FBH1: variants seen among roughly 807,000 people sequenced by gnomAD.
FBH1 encodes the protein DNA 3'-5' helicase 1.
A neutral mutation model predicts 115.5 loss-of-function variants in FBH1; 43 were observed. That is an observed-to-expected ratio of 0.37 (90% CI 0.29 to 0.48). The LOEUF is 0.48. Among genes scored for constraint, FBH1 ranks in the 20% least tolerant of loss-of-function variants. The probability of loss-of-function intolerance (pLI) is 0.99; values close to 1 mark genes in which losing one functional copy is unlikely to be tolerated. For missense variants in FBH1, 1,001 were observed against 1,337.3 expected (o/e 0.75, Z 3.92); for synonymous variants, 524 against 507.8 (o/e 1.03, Z -0.43).
At chr10:5,901,193 A>G (rs1356519442) in intron 1 of FBH1, among the ~76,000 whole-genome samples, 1 of 152,118 alleles carries the variant, frequency 6.6e-6, no homozygotes, top group Non-Finnish European at 1.5e-5. Context: ...TCTTTTTGAG[A>G]TGGAGTTTCA....
Position 5,937,349 on chromosome 10 carries a change from G to T in FBH1, c.*69G>T. On this transcript the variant is annotated 3_prime_UTR_variant, in exon 21 of 21. Coordinates refer to ENST00000362091, the MANE Select transcript of FBH1 (RefSeq NM_178150.3). Reference sequence around the variant, plus strand: ...GACCCCGCGTGAAGAAAGCCAGCGAGGGGGGCTTCTGCTCCCTGAGACTCT... The same window carrying T: ...GACCCCGCGTGAAGAAAGCCAGCGATGGGGGCTTCTGCTCCCTGAGACTCT... 7.1e-7 allele frequency: 1 copy of T among 1,413,594 alleles called. No homozygotes were observed. Among genetic ancestry groups the T allele is most frequent in the Non-Finnish European group, 9.3e-7 (1 of 1,073,870 alleles). The allele number at this position is 1,413,594 out of a possible 1,614,324, so 87.6% of individuals were successfully genotyped here.
chr10:5,919,674 A>C (rs970709058), intron 13 of FBH1, among the ~76,000 whole-genome samples: 1 of 152,184 alleles, frequency 6.6e-6, no homozygotes, highest in Non-Finnish European at 1.5e-5. Flanking sequence ...TCTGATTAGA[A>C]GAGATGTCTC....
At position 5,935,398 on chromosome 10, in the gene FBH1, A is replaced by G. The variant is rs767801682; in HGVS notation, c.2830-1058A>G. ...TAACATTCATGTAAATTAGACATCT[A>G]TAAAAGGAGACCTGTGTCCTTGGAC... is the stretch of plus-strand genomic sequence containing the variant. On this transcript the variant is annotated intron_variant, in intron 19 of 20. Transcript: ENST00000362091. This position sits in a 1 kb window ranked among gnomAD's most constrained non-coding sequence, Gnocchi z 5.2. 1.3e-5 allele frequency: 2 copies of G among 152,242 alleles called. No individual in the cohort carries two copies. Among genetic ancestry groups the G allele is most frequent in the Non-Finnish European group, 2.9e-5 (2 of 68,052 alleles). The allele number at this position is 152,242 out of a possible 1,614,324, so 9.4% of individuals were successfully genotyped here.
In FBH1 at chr10:5,927,553, G is replaced by A; in HGVS notation, c.2829+12G>A. The A allele has an allele frequency of 1.2e-6, 2 of 1,603,854 alleles. No individual in the cohort carries two copies. Among genetic ancestry groups the A allele is most frequent in the South Asian group, 2.2e-5 (2 of 90,050 alleles). ...TGACTTTGGCTGGGGTAAGCAGAAC[G>A]GGCAGCATGAGCTAACTTGATGCCA... On this transcript the variant is annotated intron_variant, in intron 19 of 20. Coordinates refer to ENST00000362091, the MANE Select transcript of FBH1 (RefSeq NM_178150.3).
intron 1 of FBH1, among the ~76,000 whole-genome samples, chr10:5,902,490 C>T (rs1056485853): frequency 1.3e-5 from 2 of 151,818 alleles, no homozygotes; most frequent in African/African-American, 4.9e-5. Context: ...GTGACAACTT[C>T]TTTTTTTGCT....
chr10:5,912,415 A>C (rs1414847450), intron 6 of FBH1, among the ~76,000 whole-genome samples: 1 of 142,246 alleles, frequency 7.0e-6, no homozygotes, highest in Non-Finnish European at 1.5e-5. Flanking sequence ...GCAGCTGGGA[A>C]GGGCCTTGTC....
At chr10:5,934,364 G>GTTTTTTTTTTTTTTTTTTTTTTTTTTTTT (rs60109796) in intron 19 of FBH1, 1 of 141,090 alleles carries the variant, frequency 7.1e-6, no homozygotes, top group African/African-American at 2.7e-5. Context: ...TCAAAGACAG[G>GTTTTTTTTTTTTTTTTTTTTTTTTTTTTT]TTTTTTTTTT....
Position 5,923,729 on chromosome 10 carries a change from G to A in FBH1, c.2398+33G>A. The A allele has an allele frequency of 1.3e-6, 2 of 1,578,198 alleles. No homozygotes were observed. The highest frequency in any genetic ancestry group is 8.7e-7 in the Non-Finnish European group (1 of 1,150,740). On this transcript the variant is annotated intron_variant, in intron 16 of 20. Coordinates refer to ENST00000362091, the MANE Select transcript of FBH1 (RefSeq NM_178150.3). The surrounding 1 kb of genome is among the most constrained non-coding windows in gnomAD (Gnocchi z 5.7). Reference sequence around the variant, plus strand: ...CCCACCTGGCCTTGGTGCATTGGAAGGACGCACCCAAGTGACAGGGACGAG... The same window carrying A: ...CCCACCTGGCCTTGGTGCATTGGAAAGACGCACCCAAGTGACAGGGACGAG...
At chr10:5,902,084 G>A (rs1418820680) in intron 1 of FBH1, among the ~76,000 whole-genome samples, 1 of 152,038 alleles carries the variant, frequency 6.6e-6, no homozygotes, top group Admixed American at 6.6e-5. Context: ...TTTTGCTAAG[G>A]GAAGATATGA....
Position 5,924,277 on chromosome 10 carries a change from G to A in FBH1, c.2399-34G>A. ...CTGCCACCATCTGTTAGTGGAGCTT[G>A]TGTCACCTTAATTTGTGTGTATATT... On this transcript the variant is annotated intron_variant, in intron 16 of 20. Transcript: ENST00000362091. The surrounding 1 kb of genome is among the most constrained non-coding windows in gnomAD (Gnocchi z 6.2). 1 of 1,606,882 alleles carries A rather than the reference G, an allele frequency of 6.2e-7. No individual in the cohort carries two copies. The highest frequency in any genetic ancestry group is 8.5e-7 in the Non-Finnish European group (1 of 1,173,820).
intron 1 of FBH1, among the ~76,000 whole-genome samples, chr10:5,896,894 A>G (rs1014429337): frequency 1.3e-5 from 2 of 152,180 alleles, no homozygotes; most frequent in African/African-American, 4.8e-5. Context: ...TGCGTGACTC[A>G]GGGAAGGAGG....
rs138932841 is a variant in FBH1, at chr10:5,918,061, G to A, written c.1964-281G>A. On this transcript the variant is annotated intron_variant, in intron 12 of 20. Coordinates refer to ENST00000362091, the MANE Select transcript of FBH1 (RefSeq NM_178150.3). This position sits in a 1 kb window ranked among gnomAD's most constrained non-coding sequence, Gnocchi z 4.0. ...GTCAATTTTGAGTGCTATAATATTAGAGAAGACACTGCCTCATTTTAGATT... is the reference window on the plus strand; with the variant it reads ...GTCAATTTTGAGTGCTATAATATTAAAGAAGACACTGCCTCATTTTAGATT... Among the ~76,000 whole-genome samples, 15 of 149,220 alleles carry A rather than the reference G, an allele frequency of 1.0e-4. No individual in the cohort carries two copies. Among genetic ancestry groups the A allele is most frequent in the African/African-American group, 3.4e-4 (14 of 40,786 alleles).
Position 5,906,076 on chromosome 10 carries a change from C to T in FBH1, c.197C>T (p.Ala66Val). 2 of 1,612,120 alleles carry T rather than the reference C, an allele frequency of 1.2e-6. No individual in the cohort carries two copies. The highest frequency in any genetic ancestry group is 2.2e-5 in the East Asian group (1 of 44,824). The change falls in exon 3 of 21, where the codon GCA becomes GTA. Residue 66 changes from alanine to valine, a missense_variant. Coordinates refer to ENST00000362091, the MANE Select transcript of FBH1 (RefSeq NM_178150.3). This position sits in a 1 kb window ranked among gnomAD's most constrained non-coding sequence, Gnocchi z 7.3. ...SQRCIPEFFL[A>V]GKQPCTNDMA... ...AGATGCATCCCTGAGTTCTTCCTAGCAGGCAAGCAGCCGTGCACCAATGAC... is the reference window on the plus strand; with the variant it reads ...AGATGCATCCCTGAGTTCTTCCTAGTAGGCAAGCAGCCGTGCACCAATGAC...
At chr10:5,893,987 G>C in intron 1 of FBH1, 1 of 985,330 alleles carries the variant, frequency 1.0e-6, no homozygotes, top group South Asian at 4.7e-5. Flanking sequence ...GAAAAACATA[G>C]AACGGAAAGC....
rs757409262 is a variant in FBH1 at position 5,909,325 on chromosome 10, A to G, written c.1020+31A>G. The G allele has an allele frequency of 1.9e-6, 3 of 1,592,786 alleles. No homozygotes were observed. In the Admixed American group the frequency reaches 5.1e-5, roughly 27 times the overall value. On this transcript the variant is annotated intron_variant, in intron 5 of 20. Transcript: ENST00000362091. This position sits in a 1 kb window ranked among gnomAD's most constrained non-coding sequence, Gnocchi z 4.4. ...TCTGGAGGCTGCGGGAGAAGGCGGC[A>G]TGTTATTTCACTGGAGGAAAGTGTA... is the stretch of plus-strand genomic sequence containing the variant.
chr10:5,900,091 T>C lies in FBH1; in HGVS notation c.2-2929T>C, dbSNP rs1279256502. On this transcript the variant is annotated intron_variant, in intron 1 of 20. Coordinates refer to ENST00000362091, the MANE Select transcript of FBH1 (RefSeq NM_178150.3). This position sits in a 1 kb window ranked among gnomAD's most constrained non-coding sequence, Gnocchi z 4.2. The stretch of plus-strand genomic sequence containing the variant: ...ATGTTACTGGTTAGTTTAGAAGGTA[T>C]TTCCAGTAATACAGAATTGGCTGTA... 6.6e-6 allele frequency among the ~76,000 whole-genome samples: 1 copy of C among 152,236 alleles called. No homozygotes were observed. Among genetic ancestry groups the C allele is most frequent in the East Asian group, 1.9e-4 (1 of 5,202 alleles).
Position 5,906,044 on chromosome 10 carries a change from A to T in FBH1, c.165A>T (p.Gly55=), listed in dbSNP as rs774471278. The T allele has an allele frequency of 1.2e-6, 2 of 1,606,850 alleles. No homozygotes were observed. The highest frequency in any genetic ancestry group is 3.3e-5 in the Admixed American group (2 of 59,904). ...TTTGGGTTCTCTCTACAGGTCAGGG[A>T]AGTCAAAGATGCATCCCTGAGTTCT... The part of the protein sequence containing the change: ...PRTKRGSRGQ[G]SQRCIPEFFL... Residue 55 remains glycine (G), a synonymous_variant, in exon 3 of 21, where the codon GGA becomes GGT. Coordinates refer to ENST00000362091, the MANE Select transcript of FBH1 (RefSeq NM_178150.3). This position sits in a 1 kb window ranked among gnomAD's most constrained non-coding sequence, Gnocchi z 7.3.
Position 5,917,915 on chromosome 10 carries a change from G to A in FBH1, c.1963+239G>A, listed in dbSNP as rs574741630. Among the ~76,000 whole-genome samples, 3 of 152,162 alleles carry A rather than the reference G, an allele frequency of 2.0e-5. No homozygotes were observed. Among genetic ancestry groups the A allele is most frequent in the Non-Finnish European group, 4.4e-5 (3 of 68,030 alleles). ...TTGACCAAGTTGTAGACCAGCAGAC[G>A]ACAGGGACCTAGACTCATGCTCTGT... is the stretch of plus-strand genomic sequence containing the variant. On this transcript the variant is annotated intron_variant, in intron 12 of 20. Coordinates refer to ENST00000362091, the MANE Select transcript of FBH1 (RefSeq NM_178150.3). The surrounding 1 kb of genome is among the most constrained non-coding windows in gnomAD (Gnocchi z 5.6).
rs188704177 is a variant in FBH1 at position 5,923,978 on chromosome 10, C to T, written c.2398+282C>T. On this transcript the variant is annotated intron_variant, in intron 16 of 20. Coordinates refer to ENST00000362091, the MANE Select transcript of FBH1 (RefSeq NM_178150.3). This position sits in a 1 kb window ranked among gnomAD's most constrained non-coding sequence, Gnocchi z 5.7. ...TTCTGTCTGCCTGGGCCAATTTATA[C>T]GTTGATACTTCCACGTGGGCCCCAA... The T allele has an allele frequency of 1.6e-5, 9 of 557,522 alleles. No homozygotes were observed. The highest frequency in any genetic ancestry group is 9.0e-5 in the East Asian group (3 of 33,338). 34.5% of individuals were successfully genotyped at this position (557,522 alleles called of 1,614,324 possible). A position where few individuals can be genotyped will look rare whatever the true frequency, so the allele number is the denominator to read the frequency against.
Sources: gnomAD v4.1 joint callset for allele counts (sites outside exome capture counted in the v4.1 genomes callset) on GRCh38, gnomAD v4.1.1 for gene constraint, Gnocchi (gnomAD v3.1) non-coding constraint, MANE v1.5 for transcripts, NCBI Gene and HGNC (gene_info 2026-07-23, HGNC 2026-07-21) for gene names.